PALM2AKAP2: variants seen among roughly 807,000 people sequenced by gnomAD.
PALM2AKAP2 encodes the protein PALM2 and AKAP2 fusion, also known as PALM2-AKAP2 fusion protein.
PALM2AKAP2 carries 37 observed loss-of-function variants against 71.5 expected under a neutral mutation model. That is an observed-to-expected ratio of 0.52 (90% confidence interval 0.40 to 0.68). PALM2AKAP2 has a LOEUF of 0.68. PALM2AKAP2 is among the 30% of genes least tolerant of loss of function. The pLI is 0.00. For synonymous variants in PALM2AKAP2, 468 were observed against 478.8 expected (o/e 0.98, Z 0.29); for missense variants, 1,224 against 1,191.8 (o/e 1.03, Z -0.40).
At chr9:109,818,538 A>G (rs956976994) in intron 1 of PALM2AKAP2, among the ~76,000 whole-genome samples, 1 of 152,246 alleles carries the variant, frequency 6.6e-6, no homozygotes, top group Non-Finnish European at 1.5e-5. Flanking sequence ...TGTATTGATA[A>G]GAAGGTAAAA....
chr9:110,025,505 T>A, intron 7 of PALM2AKAP2: 1 of 598,920 alleles, frequency 1.7e-6, no homozygotes, highest in Non-Finnish European at 2.9e-6. Context: ...GATAGTCACA[T>A]GTAAGCCTTT....
At chr9:109,990,743 G>T (rs948262732) in intron 6 of PALM2AKAP2, among the ~76,000 whole-genome samples, 2 of 152,240 alleles carry the variant, frequency 1.3e-5, no homozygotes, top group South Asian at 2.1e-4. Context: ...GGAATGTAAA[G>T]CTGAATCAGT....
At chr9:109,823,349 G>T (rs111849456) in intron 1 of PALM2AKAP2, among the ~76,000 whole-genome samples, 22 of 152,182 alleles carry the variant, frequency 1.4e-4, no homozygotes, top group African/African-American at 5.3e-4. Context: ...CTTGTGTTGA[G>T]GTGGGAACAG....
At position 109,867,479 on chromosome 9, in the gene PALM2AKAP2, T is replaced by A; in HGVS notation, c.46-12T>A. ...CACCCACTCTTACAGCCTCTGTCTC[T>A]TTATTTTCAAGGAAAAAAGAAAGAG... On this transcript the variant is annotated splice_polypyrimidine_tract_variant and intron_variant, in intron 1 of 9. Transcript: ENST00000302798. 6 of 1,610,676 alleles carry A rather than the reference T, an allele frequency of 3.7e-6. No homozygotes were observed. Among genetic ancestry groups the A allele is most frequent in the Admixed American group, 1.7e-5 (1 of 59,502 alleles).
rs1420540516 is a variant in PALM2AKAP2, at chr9:110,100,495, C to G, written c.157-35632C>G. 2.0e-5 allele frequency among the ~76,000 whole-genome samples: 3 copies of G among 152,050 alleles called. No homozygotes were observed. In the East Asian group the frequency reaches 5.8e-4, roughly 29 times the overall value. On this transcript the variant is annotated intron_variant, in intron 1 of 3. Transcript: ENST00000374525. ...TGGTGATTCCCTTCCCCCACAAAGG[C>G]CTTTGTGTACATGGGGTGAGGTAGG...
At chr9:109,923,949 G>T in intron 4 of PALM2AKAP2, 100 bp downstream of exon 4, 3 of 1,229,012 alleles carry the variant, frequency 2.4e-6, no homozygotes, top group Non-Finnish European at 3.3e-6. Flanking sequence ...GCATTGATGA[G>T]AAATCTGAGC....
intron 1 of PALM2AKAP2, among the ~76,000 whole-genome samples, chr9:109,752,787 A>T (rs555429390): frequency 1.3e-5 from 2 of 152,290 alleles, no homozygotes; most frequent in South Asian, 2.1e-4. Flanking sequence ...TTGCGATGCA[A>T]CAGATGGACT....
chr9:110,036,822 G>A (rs1207501073), intron 7 of PALM2AKAP2, among the ~76,000 whole-genome samples: 3 of 151,992 alleles, frequency 2.0e-5, no homozygotes, highest in African/African-American at 4.8e-5. Context: ...CACACCTGCT[G>A]TTCCCTATGC....
intron 7 of PALM2AKAP2, among the ~76,000 whole-genome samples, chr9:110,021,347 G>A (rs1437266795): frequency 6.6e-6 from 1 of 152,142 alleles, no homozygotes; most frequent in Non-Finnish European, 1.5e-5. Context: ...GGAGAGGAGT[G>A]CAGCCCTCCT....
chr9:109,687,073 A>G (rs1294147904), intron 1 of PALM2AKAP2, among the ~76,000 whole-genome samples: 3 of 152,082 alleles, frequency 2.0e-5, no homozygotes, highest in African/African-American at 4.8e-5. Flanking sequence ...AATCCAGTAT[A>G]TCATTGTTGG....
In PALM2AKAP2 at chr9:109,715,216, C is replaced by T. The variant is rs191161700; in HGVS notation, c.6-65272C>T. 9.2e-5 allele frequency among the ~76,000 whole-genome samples: 14 copies of T among 152,244 alleles called. No homozygotes were observed. In the East Asian group the frequency reaches 2.5e-3, roughly 27 times the overall value. On this transcript the variant is annotated intron_variant, in intron 1 of 6. Transcript: ENST00000374531. ...TACAAATTCTAATCTTCACATCAAC[C>T]CTGTGAGATAGGCCCGCTTTCCAGA...
In PALM2AKAP2 at chr9:110,138,061, G is replaced by A. The variant is rs34665027; in HGVS notation, c.2091G>A (p.Glu697=). 21,700 of 1,613,632 alleles carry A rather than the reference G, an allele frequency of 0.013. 198 individuals carry two copies. The highest frequency in any genetic ancestry group is 0.016 in the Non-Finnish European group (19,376 of 1,179,804). The change falls in exon 2 of 4, where the codon GAG becomes GAA. Residue 697 remains glutamate, a synonymous_variant. Coordinates refer to ENST00000374525, the Ensembl canonical transcript of PALM2AKAP2. ...AACAGGGACCTGAAGCGACTGTAGA[G>A]GAAGCTGAAGCTGCGGCTTTCGGCT...
chr9:110,011,660 T>A (rs1310494002), intron 6 of PALM2AKAP2, among the ~76,000 whole-genome samples: 1 of 152,220 alleles, frequency 6.6e-6, no homozygotes, highest in Non-Finnish European at 1.5e-5. Flanking sequence ...TATCTCCAAG[T>A]TCTCAAGAAG....
At chr9:109,671,018 T>G (rs903460154) in intron 1 of PALM2AKAP2, among the ~76,000 whole-genome samples, 1 of 152,248 alleles carries the variant, frequency 6.6e-6, no homozygotes, top group African/African-American at 2.4e-5. Context: ...ATGCTGGATA[T>G]TAGACCTTTG....
chr9:109,655,768 T>C (rs1236433023), intron 1 of PALM2AKAP2, among the ~76,000 whole-genome samples: 1 of 152,260 alleles, frequency 6.6e-6, no homozygotes, highest in Non-Finnish European at 1.5e-5. Flanking sequence ...GTCAAAATTT[T>C]ATTCCTTTTT....
intron 1 of PALM2AKAP2, among the ~76,000 whole-genome samples, chr9:110,092,288 T>C (rs10980185): frequency 0.2 from 30,681 of 152,032 alleles, 4,290 homozygotes; most frequent in African/African-American, 0.39. Flanking sequence ...GCTGAGATTG[T>C]GCCACCGCAT....
intron 1 of PALM2AKAP2, among the ~76,000 whole-genome samples, chr9:109,677,329 G>T (rs1484318128): frequency 6.6e-6 from 1 of 152,088 alleles, no homozygotes; most frequent in Non-Finnish European, 1.5e-5. Context: ...TGGTGCTAGG[G>T]CTCATAGAGG....
intron 1 of PALM2AKAP2, among the ~76,000 whole-genome samples, chr9:110,112,988 T>C (rs1835283851): frequency 6.6e-6 from 1 of 152,252 alleles, no homozygotes; most frequent in African/African-American, 2.4e-5. Flanking sequence ...TTGAGGACTC[T>C]CGGGCTCTTT....
At chr9:110,058,028 A>C (rs1254041873) in intron 1 of PALM2AKAP2, among the ~76,000 whole-genome samples, 1 of 152,168 alleles carries the variant, frequency 6.6e-6, no homozygotes, top group Non-Finnish European at 1.5e-5. Flanking sequence ...GGATGCAGCT[A>C]AACGCTCTAT....
Sources: allele counts gnomAD v4.1 joint callset (sites outside exome capture counted in the v4.1 genomes callset), GRCh38; gene constraint gnomAD v4.1.1; transcripts MANE v1.5; gene names NCBI Gene and HGNC (gene_info 2026-07-23, HGNC 2026-07-21).